Variants in PDE10A observed in about 807,000 individuals in gnomAD.
The protein encoded by PDE10A is cAMP and cAMP-inhibited cGMP 3',5'-cyclic phosphodiesterase 10A.
Under a neutral mutation model 97.7 loss-of-function variants are expected in PDE10A, and 39 were observed. The ratio of observed to expected loss-of-function variants is 0.40; its 90% CI spans 0.31 to 0.52. The LOEUF (loss-of-function observed/expected upper bound fraction) is 0.52, where lower values mean the gene tolerates loss of function less well. Among genes scored for constraint, PDE10A ranks in the 20% least tolerant of loss-of-function variants. PDE10A has a pLI of 0.56. For synonymous variants in PDE10A, 371 were observed against 376.8 expected (o/e 0.98, Z 0.18); for missense variants, 731 against 1,047.8 (o/e 0.70, Z 4.17).
intron 1 of PDE10A, among the ~76,000 whole-genome samples, chr6:165,631,081 T>C (rs933405672): frequency 6.6e-6 from 1 of 152,230 alleles, no homozygotes; most frequent in Non-Finnish European, 1.5e-5. Context: ...TTTCTTTTCA[T>C]AAAATGAAGA....
At chr6:165,821,717 G>GT (rs1464807259) in intron 1 of PDE10A, among the ~76,000 whole-genome samples, 3 of 151,890 alleles carry the variant, frequency 2.0e-5, no homozygotes, top group Non-Finnish European at 2.9e-5. Flanking sequence ...TTGTTTTTGT[G>GT]TTTTTAGTAG....
chr6:165,520,934 C>G (rs1311532768), intron 2 of PDE10A, among the ~76,000 whole-genome samples: 1 of 152,032 alleles, frequency 6.6e-6, no homozygotes. Context: ...AGGCATACTG[C>G]ATTTCATTGT....
At chr6:165,658,254 G>C (rs1462414954) in intron 1 of PDE10A, among the ~76,000 whole-genome samples, 1 of 152,196 alleles carries the variant, frequency 6.6e-6, no homozygotes, top group Non-Finnish European at 1.5e-5. Flanking sequence ...CAGTAAGAGT[G>C]GTTACTGATG....
At chr6:165,933,605 A>G (rs1243557527) in intron 1 of PDE10A, among the ~76,000 whole-genome samples, 4 of 152,218 alleles carry the variant, frequency 2.6e-5, no homozygotes, top group Non-Finnish European at 2.9e-5. Flanking sequence ...TTTCAAATAT[A>G]CATAATGAAA....
chr6:165,792,158 T>G (rs900811637), intron 1 of PDE10A, among the ~76,000 whole-genome samples: 2 of 152,214 alleles, frequency 1.3e-5, no homozygotes, highest in African/African-American at 4.8e-5. Context: ...GGGCCTGCAA[T>G]GTTCGCCCCT....
intron 1 of PDE10A, among the ~76,000 whole-genome samples, chr6:165,607,445 G>C (rs1787265464): frequency 6.6e-6 from 1 of 152,168 alleles, no homozygotes; most frequent in Admixed American, 6.5e-5. Context: ...GCAGTATTCA[G>C]TACAGTGACA....
intron 16 of PDE10A, among the ~76,000 whole-genome samples, chr6:165,389,221 C>A (rs903999088): frequency 1.3e-5 from 2 of 152,140 alleles, no homozygotes; most frequent in Non-Finnish European, 2.9e-5. Context: ...TATTATTACA[C>A]GGTTTTTAGC....
intron 11 of PDE10A, 39 bp from the exon 12 acceptor site, chr6:165,416,320 T>A (rs1176894068): frequency 8.1e-7 from 1 of 1,237,496 alleles, no homozygotes; most frequent in Non-Finnish European, 1.2e-6. Flanking sequence ...AATTAAAATA[T>A]GGACTCTGTA....
At chr6:165,422,957 A>C (rs1333415547) in intron 10 of PDE10A, among the ~76,000 whole-genome samples, 1 of 152,148 alleles carries the variant, frequency 6.6e-6, no homozygotes, top group East Asian at 1.9e-4. Flanking sequence ...TAGGAAACAA[A>C]TGTGCTTCAT....
chr6:165,892,878 G>A (rs899707918), intron 1 of PDE10A, among the ~76,000 whole-genome samples: 2 of 152,156 alleles, frequency 1.3e-5, no homozygotes, highest in African/African-American at 4.8e-5. Context: ...TCGAGGCATT[G>A]AGCAGGGAGT....
At chr6:165,962,134 A>T (rs1171790138) in intron 1 of PDE10A, among the ~76,000 whole-genome samples, 2 of 152,194 alleles carry the variant, frequency 1.3e-5, no homozygotes, top group Non-Finnish European at 2.9e-5. Context: ...AACCCAGTTT[A>T]TTTGCCCCCA....
At chr6:165,690,648 C>T (rs545666187) in intron 1 of PDE10A, among the ~76,000 whole-genome samples, 1 of 152,322 alleles carries the variant, frequency 6.6e-6, no homozygotes, top group South Asian at 2.1e-4. Flanking sequence ...CACCTGCAGA[C>T]TCCCCAGTGC....
In PDE10A at chr6:165,866,317, CAG is replaced by C. The variant is rs550741999; in HGVS notation, c.-615+121210_-615+121211del. Among the ~76,000 whole-genome samples the C allele has an allele frequency of 9.2e-5, 14 of 151,782 alleles. No homozygotes were observed. In the South Asian group the frequency reaches 2.9e-3, roughly 32 times the overall value. ...GACCACATCTGTTGAAGCTCTAACT[CAG>C]TGTTTTTTGACTCACCTTGCCCTTA... On this transcript the variant is annotated intron_variant, in intron 1 of 19. Coordinates refer to the PDE10A transcript ENST00000366882.
chr6:165,444,663 T>C (rs1790711333), intron 5 of PDE10A, among the ~76,000 whole-genome samples: 1 of 152,024 alleles, frequency 6.6e-6, no homozygotes, highest in South Asian at 2.1e-4. Flanking sequence ...TTAATTTTAG[T>C]GCTTTTTAGT....
chr6:165,906,581 C>A (rs1782292741), intron 1 of PDE10A, among the ~76,000 whole-genome samples: 1 of 151,680 alleles, frequency 6.6e-6, no homozygotes, highest in Non-Finnish European at 1.5e-5. Context: ...CAGATTAGGA[C>A]AAAGCAAGGT....
chr6:165,708,036 T>C (rs969088380), intron 1 of PDE10A, among the ~76,000 whole-genome samples: 1 of 152,172 alleles, frequency 6.6e-6, no homozygotes, highest in Non-Finnish European at 1.5e-5. Context: ...CCTCTTGACT[T>C]CTGCCTCCTT....
At chr6:165,635,386 C>CTGAA in intron 1 of PDE10A, among the ~76,000 whole-genome samples, 1 of 152,226 alleles carries the variant, frequency 6.6e-6, no homozygotes, top group South Asian at 2.1e-4. Context: ...TTTTGTAAGA[C>CTGAA]TGAATACCAG....
intron 1 of PDE10A, among the ~76,000 whole-genome samples, chr6:165,599,576 C>T (rs1786812426): frequency 1.3e-5 from 2 of 152,210 alleles, no homozygotes; most frequent in Non-Finnish European, 2.9e-5. Context: ...GCCTCAATTA[C>T]ATTTTAGTAT....
chr6:165,742,259 T>A (rs1362532278), intron 1 of PDE10A, among the ~76,000 whole-genome samples: 1 of 152,202 alleles, frequency 6.6e-6, no homozygotes, highest in Non-Finnish European at 1.5e-5. Context: ...AAGTCAGAAT[T>A]GAAATCGGCC....
Sources: gnomAD v4.1 joint callset for allele counts (sites outside exome capture counted in the v4.1 genomes callset) on GRCh38, gnomAD v4.1.1 for gene constraint, MANE v1.5 for transcripts, NCBI Gene and HGNC (gene_info 2026-07-23, HGNC 2026-07-21) for gene names.